The following ZNF385D variants were observed in gnomAD, a reference collection of about 807,000 sequenced individuals.
The protein encoded by ZNF385D is zinc finger protein 385D.
ZNF385D carries 15 observed loss-of-function variants against 35.8 expected under a neutral mutation model. That is an observed-to-expected ratio of 0.42 (90% CI 0.28 to 0.64). ZNF385D has a LOEUF of 0.64. Among genes scored for constraint, ZNF385D ranks in the 30% least tolerant of loss-of-function variants. The pLI is 0.23. For synonymous variants in ZNF385D, 212 were observed against 186.8 expected (o/e 1.13, Z -1.10); for missense variants, 474 against 494.6 (o/e 0.96, Z 0.39).
chr3:21,527,690 C>T (rs1057003886), intron 3 of ZNF385D, among the ~76,000 whole-genome samples: 2 of 151,922 alleles, frequency 1.3e-5, no homozygotes, highest in Non-Finnish European at 2.9e-5. Context: ...CCATGACTTG[C>T]TAAATCACCA....
In ZNF385D at chr3:21,834,769, A is replaced by ATGCATCT. The variant is rs112004753; in HGVS notation, c.326-169742_326-169741insAGATGCA. On this transcript the variant is annotated intron_variant, in intron 3 of 5. Coordinates refer to the ZNF385D transcript ENST00000494108. ...GACAGTGGGATCTCGTGGGAGATGA[A>ATGCATCT]TGGATCTTGGGGCAGTTCCCCCATG... 3.3e-5 allele frequency among the ~76,000 whole-genome samples: 5 copies of ATGCATCT among 151,326 alleles called. No homozygotes were observed. The South Asian group carries it at 6.3e-4, about 19-fold the overall frequency.
At chr3:21,574,322 C>CCTAA (rs2063429274) in intron 2 of ZNF385D, among the ~76,000 whole-genome samples, 2 of 151,888 alleles carry the variant, frequency 1.3e-5, no homozygotes. Flanking sequence ...TCCGCAAATT[C>CCTAA]CTAACTGAAA....
At chr3:21,962,986 G>GT (rs1702680687) in intron 3 of ZNF385D, among the ~76,000 whole-genome samples, 2 of 152,242 alleles carry the variant, frequency 1.3e-5, no homozygotes, top group South Asian at 4.2e-4. Flanking sequence ...GACAACTAGT[G>GT]TTTTATAAAT....
At chr3:21,770,313 G>T (rs535788677) in intron 3 of ZNF385D, among the ~76,000 whole-genome samples, 2 of 152,232 alleles carry the variant, frequency 1.3e-5, no homozygotes, top group South Asian at 4.1e-4. Flanking sequence ...CCTACAGAAT[G>T]GAAGAAAATT....
At chr3:22,214,805 G>A (rs1016126454) in intron 2 of ZNF385D, among the ~76,000 whole-genome samples, 2 of 151,982 alleles carry the variant, frequency 1.3e-5, no homozygotes, top group African/African-American at 4.8e-5. Flanking sequence ...AACTTCATTA[G>A]CAATTTTAAT....
intron 2 of ZNF385D, among the ~76,000 whole-genome samples, chr3:22,339,278 G>A (rs1163344246): frequency 6.6e-6 from 1 of 152,016 alleles, no homozygotes; most frequent in Non-Finnish European, 1.5e-5. Flanking sequence ...TTGCCCAAGT[G>A]CGTAAGTAAA....
At chr3:22,122,846 T>C (rs1382033687) in intron 3 of ZNF385D, among the ~76,000 whole-genome samples, 1 of 152,168 alleles carries the variant, frequency 6.6e-6, no homozygotes, top group African/African-American at 2.4e-5. Flanking sequence ...GGCCCTGATG[T>C]AGAAATCAAG....
chr3:21,762,237 G>C (rs2070650507), intron 3 of ZNF385D, among the ~76,000 whole-genome samples: 1 of 151,982 alleles, frequency 6.6e-6, no homozygotes, highest in African/African-American at 2.4e-5. Flanking sequence ...TCTCCTGTTG[G>C]ATTCAGCTGC....
At chr3:21,842,059 C>G (rs988998728) in intron 3 of ZNF385D, among the ~76,000 whole-genome samples, 11 of 151,646 alleles carry the variant, frequency 7.3e-5, no homozygotes, top group Non-Finnish European at 1.5e-4. Flanking sequence ...TTTATCATTT[C>G]TAAAATTTAG....
At chr3:21,555,740 T>G (rs1404888906) in intron 3 of ZNF385D, among the ~76,000 whole-genome samples, 1 of 152,140 alleles carries the variant, frequency 6.6e-6, no homozygotes, top group Admixed American at 6.6e-5. Context: ...GTAATAAGAT[T>G]GCTGGGTCAT....
At chr3:22,355,574 AAAG>A (rs1696113090) in intron 2 of ZNF385D, among the ~76,000 whole-genome samples, 1 of 152,010 alleles carries the variant, frequency 6.6e-6, no homozygotes, top group Non-Finnish European at 1.5e-5. Context: ...ATGATGACTT[AAAG>A]AAGGTACCTG....
intron 2 of ZNF385D, among the ~76,000 whole-genome samples, chr3:22,258,369 G>A (rs977741077): frequency 6.6e-6 from 1 of 151,692 alleles, no homozygotes; most frequent in African/African-American, 2.4e-5. Context: ...TTTTCTCAAG[G>A]CAGGATTTGC....
chr3:21,727,953 G>T (rs779383923), intron 1 of ZNF385D, among the ~76,000 whole-genome samples: 1 of 152,060 alleles, frequency 6.6e-6, no homozygotes, highest in Non-Finnish European at 1.5e-5. Context: ...AGAAAATGTG[G>T]CCATAAAAAA....
intron 1 of ZNF385D, among the ~76,000 whole-genome samples, chr3:21,714,797 C>G (rs911962399): frequency 6.6e-6 from 1 of 152,178 alleles, no homozygotes; most frequent in Non-Finnish European, 1.5e-5. Flanking sequence ...TCTAAAATCC[C>G]TGTTCCTACT....
chr3:22,143,587 T>C (rs1475772179), intron 3 of ZNF385D, among the ~76,000 whole-genome samples: 2 of 151,966 alleles, frequency 1.3e-5, no homozygotes, highest in South Asian at 2.1e-4. Context: ...GATAACACGA[T>C]ATATATTTTT....
At chr3:21,793,386 T>C (rs2072008859) in intron 3 of ZNF385D, among the ~76,000 whole-genome samples, 1 of 152,232 alleles carries the variant, frequency 6.6e-6, no homozygotes, top group African/African-American at 2.4e-5. Context: ...TGACTACCCA[T>C]TTTGCAGATA....
chr3:22,007,115 A>G (rs544994494), intron 3 of ZNF385D, among the ~76,000 whole-genome samples: 10 of 152,272 alleles, frequency 6.6e-5, no homozygotes, highest in Admixed American at 3.9e-4. Flanking sequence ...ATCTACACCA[A>G]AAAGTATTCT....
At chr3:22,039,045 G>A (rs1323297738) in intron 3 of ZNF385D, among the ~76,000 whole-genome samples, 2 of 151,426 alleles carry the variant, frequency 1.3e-5, no homozygotes, top group African/African-American at 4.9e-5. Context: ...AAGAAGCTAT[G>A]GGCTCTCACT....
intron 2 of ZNF385D, among the ~76,000 whole-genome samples, chr3:22,278,892 T>G (rs1284188952): frequency 6.6e-6 from 1 of 152,112 alleles, no homozygotes; most frequent in Non-Finnish European, 1.5e-5. Flanking sequence ...TGACCTTTTC[T>G]AAATGCTACC....
Sources: gnomAD v4.1 joint callset for allele counts (sites outside exome capture counted in the v4.1 genomes callset) on GRCh38, gnomAD v4.1.1 for gene constraint, MANE v1.5 for transcripts, NCBI Gene and HGNC (gene_info 2026-07-23, HGNC 2026-07-21) for gene names.